ATP10D: variants seen among roughly 807,000 people sequenced by gnomAD.
ATP10D encodes ATPase phospholipid transporting 10D (putative), also known as phospholipid-transporting ATPase VD.
Under a neutral mutation model 144.8 loss-of-function variants are expected in ATP10D, and 89 were observed. That is an observed-to-expected ratio of 0.61 (90% CI 0.52 to 0.73). The LOEUF is 0.73. Ranked by LOEUF, ATP10D falls within the 30% of genes least tolerant of loss-of-function variation. The pLI is 0.00. For missense variants in ATP10D, 1,603 were observed against 1,714.8 expected (o/e 0.93, Z 1.15); for synonymous variants, 571 against 615.1 (o/e 0.93, Z 1.06).
intron 1 of ATP10D, 67 bp from the exon 2 acceptor site, chr4:47,512,437 T>G: frequency 9.3e-7 from 1 of 1,077,682 alleles, no homozygotes; most frequent in Non-Finnish European, 1.3e-6. Flanking sequence ...AGAAAAAATA[T>G]TAAAATTTCA....
chr4:47,522,248 G>A (rs564774536), intron 3 of ATP10D, among the ~76,000 whole-genome samples: 12 of 152,216 alleles, frequency 7.9e-5, no homozygotes, highest in African/African-American at 1.9e-4. Flanking sequence ...CTACCCTAAC[G>A]AAAATGTATC....
intron 1 of ATP10D, among the ~76,000 whole-genome samples, chr4:47,506,106 GTAGTTTTTAA>G (rs1716007970): frequency 6.6e-6 from 1 of 152,106 alleles, no homozygotes; most frequent in Non-Finnish European, 1.5e-5. Context: ...GTGATGGAGT[GTAGTTTTTAA>G]TATCTTCTAG....
intron 14 of ATP10D, 141 bp downstream of exon 14, chr4:47,561,216 A>T (rs1268466521): frequency 9.0e-7 from 1 of 1,108,782 alleles, no homozygotes; most frequent in Non-Finnish European, 1.3e-6. Flanking sequence ...TCTCTATCCA[A>T]CTTCCAATCC....
intron 1 of ATP10D, among the ~76,000 whole-genome samples, chr4:47,487,118 A>G (rs6829370): frequency 0.98 from 148,349 of 151,728 alleles, 72,614 homozygotes; most frequent in Non-Finnish European, 1. Context: ...AATCCCAGCT[A>G]CTCGGGAGGC....
At chr4:47,585,453 T>C (rs1720742789) in intron 21 of ATP10D, among the ~76,000 whole-genome samples, 1 of 152,196 alleles carries the variant, frequency 6.6e-6, no homozygotes, top group South Asian at 2.1e-4. Context: ...TCATGGAGAA[T>C]GGGGTATCCA....
At chr4:47,523,872 C>A (rs776388022) in intron 4 of ATP10D, among the ~76,000 whole-genome samples, 2 of 152,020 alleles carry the variant, frequency 1.3e-5, no homozygotes, top group African/African-American at 4.8e-5. Flanking sequence ...AAATAGTTTC[C>A]CTCCCCTTTC....
At chr4:47,561,872 A>G in intron 14 of ATP10D, among the ~76,000 whole-genome samples, 1 of 152,210 alleles carries the variant, frequency 6.6e-6, no homozygotes, top group East Asian at 1.9e-4. Flanking sequence ...TCTAGATTCT[A>G]ATATAAGCTC....
chr4:47,559,559 G>C (rs552507461), intron 13 of ATP10D, among the ~76,000 whole-genome samples: 3 of 152,222 alleles, frequency 2.0e-5, no homozygotes, highest in Admixed American at 2.0e-4. Flanking sequence ...CAAAAGTTTA[G>C]CAAGAAAGAA....
chr4:47,589,007 A>C (rs1438876023), intron 22 of ATP10D, among the ~76,000 whole-genome samples: 1 of 152,186 alleles, frequency 6.6e-6, no homozygotes, highest in African/African-American at 2.4e-5. Flanking sequence ...CAAAGAGATT[A>C]GTTATCCAGG....
In ATP10D at chr4:47,536,929, G is replaced by A; in HGVS notation, c.1387G>A (p.Glu463Lys). The A allele has an allele frequency of 6.2e-7, 1 of 1,606,320 alleles. No homozygotes were observed. Among genetic ancestry groups the A allele is most frequent in the Middle Eastern group, 1.7e-4 (1 of 6,012 alleles). ...TGTGGCAGGATTTGATTACTGCCAT[G>A]AAGAAAATGGTGAGTGTTGGATTTC... ...CSVAGFDYCH[E>K]ENARRLESYQ... Residue 463 changes from glutamate to lysine, a missense_variant, in exon 9 of 23, where the codon GAA becomes AAA. Physicochemically the swap from Glu to Lys is moderately conservative, Grantham distance 56. Transcript: ENST00000273859.
chr4:47,554,906 C>T lies in ATP10D; in HGVS notation c.1816C>T (p.Arg606Ter), dbSNP rs201010617. The change falls in exon 11 of 23, where the codon CGA (arginine) becomes TGA (stop). Residue 606 changes from arginine to a stop codon, truncating the protein, a stop_gained. Coordinates refer to ENST00000273859, the MANE Select transcript of ATP10D (RefSeq NM_020453.4). LOFTEE classifies it high-confidence loss of function. ...AGTGGTTTCTGCTCCTAACCAACCC[C>T]GACAAAAGGTGAGTAAGTTCTCTAA... is the stretch of plus-strand genomic sequence containing the variant. The part of the protein sequence containing the change: ...TVVVSAPNQP[R>*]QKIRHPSLGG... The T allele has an allele frequency of 1.4e-5, 22 of 1,613,018 alleles. No individual in the cohort carries two copies. Among genetic ancestry groups the T allele is most frequent in the Middle Eastern group, 3.3e-4 (2 of 6,078 alleles).
intron 1 of ATP10D, among the ~76,000 whole-genome samples, chr4:47,506,156 T>C (rs1470003723): frequency 6.6e-6 from 1 of 152,180 alleles, no homozygotes; most frequent in African/African-American, 2.4e-5. Flanking sequence ...AATAATGTAA[T>C]TTTACATGAG....
Position 47,557,835 on chromosome 4 carries a change from AT to A in ATP10D, c.1997del (p.Met666ArgfsTer40). ...FVSRLPLFSR[M>X]KPASPVEEEV... is the part of the protein sequence containing the mutation. Reference sequence around the variant, plus strand: ...GAGCAGACTCCCTCTCTTTAGTCGAATGAAACCAGCTTCACCTGTGGAGGAA... The same window carrying A: ...GAGCAGACTCCCTCTCTTTAGTCGAAGAAACCAGCTTCACCTGTGGAGGAA... On this transcript the variant is annotated frameshift_variant, in exon 12 of 23. Transcript: ENST00000273859. LOFTEE classifies it high-confidence loss of function. 1 of 1,614,228 alleles carries A rather than the reference AT, an allele frequency of 6.2e-7. No individual in the cohort carries two copies. Among genetic ancestry groups the A allele is most frequent in the Non-Finnish European group, 8.5e-7 (1 of 1,180,038 alleles).
chr4:47,544,273 C>T (rs1718304147), intron 9 of ATP10D, among the ~76,000 whole-genome samples: 1 of 152,194 alleles, frequency 6.6e-6, no homozygotes, highest in African/African-American at 2.4e-5. Flanking sequence ...GTACATTCTG[C>T]ACATGTAATC....
chr4:47,538,576 G>A (rs896724164), intron 9 of ATP10D, among the ~76,000 whole-genome samples: 3 of 152,094 alleles, frequency 2.0e-5, no homozygotes, highest in Non-Finnish European at 4.4e-5. Context: ...CAGGACTCTG[G>A]GTATAGGATA....
intron 1 of ATP10D, among the ~76,000 whole-genome samples, chr4:47,509,352 T>C (rs980160563): frequency 6.6e-6 from 1 of 152,252 alleles, no homozygotes; most frequent in African/African-American, 2.4e-5. Flanking sequence ...GGAAAAGCTT[T>C]CTGTGTATAA....
chr4:47,547,712 A>G lies in ATP10D; in HGVS notation c.1635+850A>G, dbSNP rs573672863. The G allele has an allele frequency of 3.9e-5, 6 of 152,112 alleles. 1 individual carries two copies. Among genetic ancestry groups the G allele is most frequent in the Non-Finnish European group, 5.9e-5 (4 of 68,022 alleles). 9.4% of individuals were successfully genotyped at this position (152,112 alleles called of 1,614,324 possible). A position where few individuals can be genotyped will look rare whatever the true frequency, so the allele number is the denominator to read the frequency against. On this transcript the variant is annotated intron_variant, in intron 10 of 22. Coordinates refer to ENST00000273859, the MANE Select transcript of ATP10D (RefSeq NM_020453.4). The stretch of plus-strand genomic sequence containing the variant: ...TATGTTTCTACATTGAATTTATCAT[A>G]TGGTTTTCACAGTAGAGACATGATA...
chr4:47,580,430 A>G lies in ATP10D; in HGVS notation c.3600A>G (p.Leu1200=). ...TACCCCATACCTTCTGGATCACCTT[A>G]TTGGATGCTTTTTATCAAAGCCTGG... ...AYLPHTFWIT[L]LDAFYQSLVC... Residue 1200 remains leucine, a synonymous_variant, in exon 20 of 23, where the codon TTA becomes TTG. Transcript: ENST00000273859. 3 of 1,613,676 alleles carry G rather than the reference A, an allele frequency of 1.9e-6. No homozygotes were observed. Among genetic ancestry groups the G allele is most frequent in the Admixed American group, 3.3e-5 (2 of 60,012 alleles).
Position 47,546,774 on chromosome 4 carries a change from A to G in ATP10D, c.1547A>G (p.His516Arg), listed in dbSNP as rs754366272. ...CCTTTGGGAAATAAGCCCTCAAATC[A>G]TCTTGCTGGGAGCTCTTTTACTCTA... Reference protein sequence around the residue: ...NGPLGNKPSNHLAGSSFTLGS... With the variant: ...NGPLGNKPSNRLAGSSFTLGS... Residue 516 changes from histidine (H) to arginine (R), a missense_variant, in exon 10 of 23, where the codon CAT becomes CGT. His to Arg is a conservative substitution (Grantham distance 29, BLOSUM62 0). Coordinates refer to ENST00000273859, the MANE Select transcript of ATP10D (RefSeq NM_020453.4). 1 of 1,614,014 alleles carries G rather than the reference A, an allele frequency of 6.2e-7. No individual in the cohort carries two copies. Among genetic ancestry groups the G allele is most frequent in the Non-Finnish European group, 8.5e-7 (1 of 1,180,004 alleles).
Sources: gnomAD v4.1 joint callset for allele counts (sites outside exome capture counted in the v4.1 genomes callset) on GRCh38, gnomAD v4.1.1 for gene constraint, MANE v1.5 for transcripts, NCBI Gene and HGNC (gene_info 2026-07-23, HGNC 2026-07-21) for gene names.